The following FLYWCH2 variants were observed in gnomAD, a reference collection of about 807,000 sequenced individuals.
The protein encoded by FLYWCH2 is FLYWCH family member 2.
A neutral mutation model predicts 6.0 loss-of-function variants in FLYWCH2; 2 were observed. The observed-to-expected ratio is 0.33, with a 90% CI of 0.14 to 1.04. FLYWCH2 has a LOEUF of 1.04. Among genes scored for constraint, FLYWCH2 ranks in the 50% least tolerant of loss-of-function variants. FLYWCH2 has a pLI of 0.45. For synonymous variants in FLYWCH2, 87 were observed against 79.3 expected (o/e 1.10, Z -0.52); for missense variants, 192 against 183.4 (o/e 1.05, Z -0.27).
intron 1 of FLYWCH2, among the ~76,000 whole-genome samples, chr16:2,884,075 C>G (rs1006497383): frequency 6.6e-6 from 1 of 152,180 alleles, no homozygotes; most frequent in Non-Finnish European, 1.5e-5. Context: ...GGGTCAATAA[C>G]AGCCCCGCTG....
intron 3 of FLYWCH2, among the ~76,000 whole-genome samples, chr16:2,898,463 C>T (rs1160296362): frequency 6.6e-6 from 1 of 152,200 alleles, no homozygotes; most frequent in Admixed American, 6.5e-5. Context: ...GCGAAGTCGC[C>T]ACTCTGAGGC....
At chr16:2,897,671 C>G (rs2069839142) in intron 3 of FLYWCH2, among the ~76,000 whole-genome samples, 1 of 152,252 alleles carries the variant, frequency 6.6e-6, no homozygotes, top group African/African-American at 2.4e-5. Context: ...CTGAGGTGGC[C>G]CAGGCCATGC....
intron 1 of FLYWCH2, among the ~76,000 whole-genome samples, chr16:2,884,039 C>T (rs1177206835): frequency 6.6e-6 from 1 of 152,148 alleles, no homozygotes; most frequent in Admixed American, 6.5e-5. Flanking sequence ...GTGTACTGCA[C>T]ACCTTAGTGT....
At chr16:2,891,385 C>G (rs1224942471) in intron 1 of FLYWCH2, among the ~76,000 whole-genome samples, 2 of 152,136 alleles carry the variant, frequency 1.3e-5, no homozygotes, top group Non-Finnish European at 2.9e-5. Flanking sequence ...AGGGTTCTCT[C>G]TCTCTCTATT....
intron 2 of FLYWCH2, among the ~76,000 whole-genome samples, chr16:2,896,077 G>A (rs773501348): frequency 6.6e-6 from 1 of 152,242 alleles, no homozygotes; most frequent in Non-Finnish European, 1.5e-5. Context: ...TAGTGGCTGA[G>A]TTCTTAGTCC....
chr16:2,896,702 C>A lies in FLYWCH2; in HGVS notation c.253C>A (p.Pro85Thr). 1.9e-6 allele frequency: 3 copies of A among 1,612,878 alleles called. No individual in the cohort carries two copies. The highest frequency in any genetic ancestry group is 4.5e-5 in the East Asian group (2 of 44,862). ...TLAKALLQTH[P>T]EAQRAIEAAP... The stretch of plus-strand genomic sequence containing the variant: ...TGCCAAGGCCCTCCTCCAGACCCAC[C>A]CCGAGGCCCAGCGGGCCATTGAGGC... The change falls in exon 3 of 4, where the codon CCC becomes ACC. Residue 85 changes from proline (P) to threonine (T), a missense_variant. Coordinates refer to ENST00000396958, the MANE Select transcript of FLYWCH2 (RefSeq NM_138439.3).
In FLYWCH2 at chr16:2,890,115, T is replaced by G. The variant is rs77717639; in HGVS notation, c.-199-5105T>G. Reference sequence around the variant, plus strand: ...GAAAAAAGAAAACTAACCTATAGACTTTATTTGGATTTCATCAGTGTTTTC... The same window carrying G: ...GAAAAAAGAAAACTAACCTATAGACGTTATTTGGATTTCATCAGTGTTTTC... On this transcript the variant is annotated intron_variant, in intron 1 of 3. Transcript: ENST00000396958. Among the ~76,000 whole-genome samples the G allele has an allele frequency of 5.2e-3, 787 of 152,094 alleles. 24 individuals carry two copies. Among genetic ancestry groups the G allele is most frequent in the Admixed American group, 0.042 (643 of 15,252 alleles).
Position 2,884,577 on chromosome 16 carries a change from A to AAAAAAAAAAAAAAAAAAAAAAAAAAG in FLYWCH2, c.-200+1211_-200+1212insAAAAAAAAAAAAAAAAAAAAAAAAAG, listed in dbSNP as rs56399101. 1.4e-5 allele frequency among the ~76,000 whole-genome samples: 2 copies of AAAAAAAAAAAAAAAAAAAAAAAAAAG among 140,254 alleles called. 1 individual carries two copies. The highest frequency in any genetic ancestry group is 3.1e-5 in the Non-Finnish European group (2 of 64,380). The allele number at this position is 140,254 out of a possible 152,430, so 92.0% of individuals were successfully genotyped here. On this transcript the variant is annotated intron_variant, in intron 1 of 3. Transcript: ENST00000396958. ...CTCTACTAAAAAAAAAAAAAAAAAA[A>AAAAAAAAAAAAAAAAAAAAAAAAAAG]TACAAAAATTAGTCGGGGCCGGCGC...
At chr16:2,885,071 C>G (rs970533631) in intron 1 of FLYWCH2, among the ~76,000 whole-genome samples, 5 of 152,150 alleles carry the variant, frequency 3.3e-5, no homozygotes, top group Non-Finnish European at 7.3e-5. Flanking sequence ...GCCTGTTATC[C>G]CAGCACTTTG....
chr16:2,891,607 G>T (rs931441120), intron 1 of FLYWCH2, among the ~76,000 whole-genome samples: 8 of 152,110 alleles, frequency 5.3e-5, no homozygotes, highest in African/African-American at 1.7e-4. Flanking sequence ...GGGTTTCACC[G>T]TGTTAGCCAG....
intron 1 of FLYWCH2, among the ~76,000 whole-genome samples, chr16:2,885,530 C>G (rs1313933399): frequency 6.6e-6 from 1 of 152,180 alleles, no homozygotes; most frequent in African/African-American, 2.4e-5. Context: ...TTTTCCTACT[C>G]TGTAGATTCT....
chr16:2,896,555 C>T lies in FLYWCH2; in HGVS notation c.106C>T (p.Pro36Ser). Residue 36 changes from proline (P) to serine (S), a missense_variant, in exon 3 of 4, where the codon CCC (proline) becomes TCC (serine). Physicochemically the swap from Pro to Ser is moderately conservative, Grantham distance 74. Transcript: ENST00000396958. ...AGTCATCCCGGCAGCCCCCAGGAAG[C>T]CCAGAAAGTTCTCCAAACTGGTCCT... ...TEVIPAAPRK[P>S]RKFSKLVLLT... 6.2e-7 allele frequency: 1 copy of T among 1,614,182 alleles called. No homozygotes were observed. Among genetic ancestry groups the T allele is most frequent in the Non-Finnish European group, 8.5e-7 (1 of 1,180,020 alleles).
Position 2,899,237 on chromosome 16 carries a change from T to C in FLYWCH2, c.*88T>C, listed in dbSNP as rs1343605610. The C allele has an allele frequency of 5.4e-6, 4 of 746,608 alleles. No homozygotes were observed. The highest frequency in any genetic ancestry group is 6.3e-6 in the Non-Finnish European group (3 of 477,830). 46.2% of individuals were successfully genotyped at this position (746,608 alleles called of 1,614,324 possible). A position where few individuals can be genotyped will look rare whatever the true frequency, so the allele number is the denominator to read the frequency against. ...GGGCTTCTGGGGCCAAATGGGTGAA[T>C]CTTTGCTTTTAACATTGTGTGATTT... is the stretch of plus-strand genomic sequence containing the variant. On this transcript the variant is annotated 3_prime_UTR_variant, in exon 4 of 4. Transcript: ENST00000396958.
rs530982191 is a variant in FLYWCH2, at chr16:2,883,462, G to T, written c.-200+96G>T. 417 of 152,194 alleles carry T rather than the reference G, an allele frequency of 2.7e-3. 8 individuals are homozygous for T. Among genetic ancestry groups the T allele is most frequent in the Non-Finnish European group, 5.1e-4 (35 of 68,182 alleles). 9.4% of individuals were successfully genotyped at this position (152,194 alleles called of 1,614,324 possible). On this transcript the variant is annotated intron_variant, in intron 1 of 3. Coordinates refer to ENST00000396958, the MANE Select transcript of FLYWCH2 (RefSeq NM_138439.3). ...CTCGGGGGTCCCGAGGGCTGCGGGT[G>T]CTGAGGAGGGGTCCGCGTCCTGGTG...
chr16:2,893,119 A>G (rs971943596), intron 1 of FLYWCH2, among the ~76,000 whole-genome samples: 5 of 151,786 alleles, frequency 3.3e-5, no homozygotes, highest in African/African-American at 9.7e-5. Flanking sequence ...CAAGGACTCC[A>G]TGTGTTCCTG....
chr16:2,898,604 T>C (rs2069848647), intron 3 of FLYWCH2, among the ~76,000 whole-genome samples: 1 of 152,184 alleles, frequency 6.6e-6, no homozygotes, highest in Non-Finnish European at 1.5e-5. Flanking sequence ...ACTGCTGGGA[T>C]CCATCTAGGC....
rs1302682815 is a variant in FLYWCH2, at chr16:2,896,470, C to T, written c.21C>T (p.Ser7=). 11 of 1,612,746 alleles carry T rather than the reference C, an allele frequency of 6.8e-6. No individual in the cohort carries two copies. The South Asian group carries it at 7.7e-5, about 11-fold the overall frequency. The change falls in exon 3 of 4, where the codon AGC becomes AGT. Residue 7 remains serine (S), a synonymous_variant. Coordinates refer to ENST00000396958, the MANE Select transcript of FLYWCH2 (RefSeq NM_138439.3). MPLPEP[S]EQEGESVKAS... The stretch of plus-strand genomic sequence containing the variant: ...CCGGGATGCCCCTGCCCGAGCCCAG[C>T]GAGCAGGAGGGTGAGAGTGTGAAGG...
At chr16:2,892,963 C>A (rs973194985) in intron 1 of FLYWCH2, among the ~76,000 whole-genome samples, 1 of 138,658 alleles carries the variant, frequency 7.2e-6, no homozygotes, top group Non-Finnish European at 1.6e-5. Context: ...TGTCATATAT[C>A]GTATATAATA....
chr16:2,895,722 A>G (rs28520244), intron 2 of FLYWCH2, among the ~76,000 whole-genome samples: 41,100 of 152,230 alleles, frequency 0.27, 5,591 homozygotes, highest in Admixed American at 0.3. Flanking sequence ...CTGCAGTGCT[A>G]TGGTCTGCAA....
Sources: allele counts gnomAD v4.1 joint callset (sites outside exome capture counted in the v4.1 genomes callset), GRCh38; gene constraint gnomAD v4.1.1; transcripts MANE v1.5; gene names NCBI Gene and HGNC (gene_info 2026-07-23, HGNC 2026-07-21).